Variants in MYLK3 observed in about 807,000 individuals in gnomAD.
MYLK3 encodes the protein MLC kinase.
MYLK3 carries 55 observed loss-of-function variants against 76.3 expected under a neutral mutation model. That is an observed-to-expected ratio of 0.72 (90% CI 0.58 to 0.90). The LOEUF is 0.90. Among genes scored for constraint, MYLK3 ranks in the 40% least tolerant of loss-of-function variants. The pLI is 0.00. For missense variants in MYLK3, 973 were observed against 1,053.6 expected (o/e 0.92, Z 1.06); for synonymous variants, 416 against 425.4 (o/e 0.98, Z 0.27).
At position 46,729,965 on chromosome 16, in the gene MYLK3, CCA is replaced by C. The variant is rs1966849214; in HGVS notation, c.1569-280_1569-279del. ...CACCCGAAGGAACATCCCCTTCACC[CCA>C]CACCACCCAGGCCATCCTGCACCCC... is the stretch of plus-strand genomic sequence containing the variant. On this transcript the variant is annotated intron_variant, in intron 5 of 12. Transcript: ENST00000394809. 4 of 548,992 alleles carry C rather than the reference CCA, an allele frequency of 7.3e-6. No individual in the cohort carries two copies. The African/African-American group carries it at 7.7e-5, about 11-fold the overall frequency. The allele number at this position is 548,992 out of a possible 1,614,324, so 34.0% of individuals were successfully genotyped here.
At chr16:46,737,420 C>T (rs191928998) in intron 3 of MYLK3, among the ~76,000 whole-genome samples, 52 of 152,300 alleles carry the variant, frequency 3.4e-4, no homozygotes, top group African/African-American at 1.1e-3. Flanking sequence ...ATTAGGACCA[C>T]CTGGGAAGCA....
chr16:46,727,133 G>A lies in MYLK3; in HGVS notation c.1914+103C>T, dbSNP rs2143014425. 6 of 1,317,712 alleles carry A rather than the reference G, an allele frequency of 4.6e-6. No homozygotes were observed. The South Asian group carries it at 7.8e-5, about 17-fold the overall frequency. 81.6% of individuals were successfully genotyped at this position (1,317,712 alleles called of 1,614,324 possible). A position where few individuals can be genotyped will look rare whatever the true frequency, so the allele number is the denominator to read the frequency against. ...GAACTACAAAATGACAGAGAGCCAG[G>A]AATGGAAGCTGGGACTGTCTGTGGA... On this transcript the variant is annotated intron_variant, in intron 8 of 12. Coordinates refer to ENST00000394809, the MANE Select transcript of MYLK3 (RefSeq NM_182493.3).
In MYLK3 at chr16:46,747,911, C is replaced by T. The variant is rs1294864043; in HGVS notation, c.283G>A (p.Glu95Lys). 1.5e-5 allele frequency: 25 copies of T among 1,613,754 alleles called. No individual in the cohort carries two copies. Among genetic ancestry groups the T allele is most frequent in the Non-Finnish European group, 2.1e-5 (25 of 1,179,944 alleles). The change falls in exon 1 of 13, where the codon GAG becomes AAG. Residue 95 changes from glutamate to lysine, a missense_variant. By Grantham distance (56) the Glu-to-Lys change is moderately conservative. Around this residue, in one of 2 missense-constraint regions of MYLK3, gnomAD observed 641 missense variants for 637.0 expected, o/e 1.01. Coordinates refer to ENST00000394809, the MANE Select transcript of MYLK3 (RefSeq NM_182493.3). The stretch of plus-strand genomic sequence containing the variant: ...TCCTGCTGCATGGCCCTCACCAGCT[C>T]CAGGACCTCGGGCCACCCAGCCTGG... Reference protein sequence around the residue: ...DTQAGWPEVLELVRAMQQDAA... With the variant: ...DTQAGWPEVLKLVRAMQQDAA...
At chr16:46,746,793 G>A (rs1967032338) in intron 1 of MYLK3, among the ~76,000 whole-genome samples, 1 of 152,162 alleles carries the variant, frequency 6.6e-6, no homozygotes, top group South Asian at 2.1e-4. Context: ...CTCAGAAAAG[G>A]CACGGTGCAG....
upstream of MYLK3, among the ~76,000 whole-genome samples, chr16:46,752,911 G>A (rs778341092): frequency 3.4e-4 from 52 of 152,090 alleles, no homozygotes; most frequent in Non-Finnish European, 6.6e-4. Context: ...TGATATCAAG[G>A]CTCTGACTCA....
intron 8 of MYLK3, among the ~76,000 whole-genome samples, chr16:46,724,640 T>C (rs1184329080): frequency 6.6e-6 from 1 of 152,266 alleles, no homozygotes; most frequent in Admixed American, 6.5e-5. Context: ...CTCTCAAGTG[T>C]ATTAATTTGA....
At chr16:46,709,214 G>A (rs187065567) in intron 12 of MYLK3, among the ~76,000 whole-genome samples, 1 of 152,182 alleles carries the variant, frequency 6.6e-6, no homozygotes, top group East Asian at 1.9e-4. Context: ...TTGAAGCCAG[G>A]AGTTCAAGAC....
intron 9 of MYLK3, 120 bp from the exon 10 acceptor site, chr16:46,712,896 T>C (rs2143012757): frequency 1.0e-6 from 1 of 962,036 alleles, no homozygotes. Flanking sequence ...TGGCCTGGAC[T>C]CCACACCCAC....
rs368904601 is a variant in MYLK3, at chr16:46,763,002, C to G, written c.-114+38G>C. 130 of 979,696 alleles carry G rather than the reference C, an allele frequency of 1.3e-4. No individual in the cohort carries two copies. In the South Asian group the frequency reaches 1.5e-3, roughly 11 times the overall value. The allele number at this position is 979,696 out of a possible 1,614,324, so 60.7% of individuals were successfully genotyped here. A position where few individuals can be genotyped will look rare whatever the true frequency, so the allele number is the denominator to read the frequency against. On this transcript the variant is annotated intron_variant, in intron 1 of 11. Transcript: ENST00000536476. ...TAATACACTGCTGAAAACACCCCCCCACACACACACAGTAGGTTTATCACT... is the reference window on the plus strand; with the variant it reads ...TAATACACTGCTGAAAACACCCCCCGACACACACACAGTAGGTTTATCACT...
chr16:46,709,737 C>T lies in MYLK3; in HGVS notation c.2268-66G>A, dbSNP rs540143734. ...GCCTTTTCTCATCCAAAAATCTGTT[C>T]ACTTGAGTAGGAAGCCTGAGTCAGT... On this transcript the variant is annotated intron_variant, in intron 11 of 12. Transcript: ENST00000394809. 5 of 1,572,722 alleles carry T rather than the reference C, an allele frequency of 3.2e-6. No individual in the cohort carries two copies. The African/African-American group carries it at 6.8e-5, about 21-fold the overall frequency.
At chr16:46,732,065 TA>T (rs2143015037) in intron 4 of MYLK3, 142 bp downstream of exon 4, 1 of 706,064 alleles carries the variant, frequency 1.4e-6, no homozygotes, top group South Asian at 2.0e-5. Context: ...CCCCAGGATG[TA>T]CCTGGAGATG....
Position 46,710,779 on chromosome 16 carries a change from A to C in MYLK3, c.2125T>G (p.Leu709Val), listed in dbSNP as rs770660592. The C allele has an allele frequency of 6.2e-7, 1 of 1,614,134 alleles. No individual in the cohort carries two copies. Among genetic ancestry groups the C allele is most frequent in the South Asian group, 1.1e-5 (1 of 91,078 alleles). ...TCTGTTTCCCCTAGAAATGGGGACA[A>C]GCCACTGAGTCTATAGAAGAGAGAA... Reference protein sequence around the residue: ...GVITYMLLSGLSPFLGETDAE... With the variant: ...GVITYMLLSGVSPFLGETDAE... Residue 709 changes from leucine to valine, a missense_variant, in exon 11 of 13, where the codon TTG becomes GTG. Transcript: ENST00000394809.
In MYLK3 at chr16:46,709,623, A is replaced by G. The variant is rs1254057937; in HGVS notation, c.2316T>C (p.Asn772=). The change falls in exon 12 of 13, where the codon AAT becomes AAC. Residue 772 remains asparagine (N), a synonymous_variant. Coordinates refer to ENST00000394809, the MANE Select transcript of MYLK3 (RefSeq NM_182493.3). Reference sequence around the variant, plus strand: ...TGGATCTTGAAGCTTTGGCAGGCAAATTATTCAGCCACTCGTGTTTCAGGC... The same window carrying G: ...TGGATCTTGAAGCTTTGGCAGGCAAGTTATTCAGCCACTCGTGTTTCAGGC... ...TQCLKHEWLN[N]LPAKASRSKT... is the part of the protein sequence containing the mutation. 6.2e-7 allele frequency: 1 copy of G among 1,614,144 alleles called. No individual in the cohort carries two copies. The highest frequency in any genetic ancestry group is 1.3e-5 in the African/African-American group (1 of 75,038).
intron 1 of MYLK3, among the ~76,000 whole-genome samples, chr16:46,740,848 G>C (rs1003672044): frequency 2.0e-5 from 3 of 152,094 alleles, no homozygotes; most frequent in Non-Finnish European, 4.4e-5. Flanking sequence ...TACCACGCCC[G>C]GCCAGAGATG....
intron 9 of MYLK3, among the ~76,000 whole-genome samples, chr16:46,717,085 C>T (rs1294431826): frequency 6.6e-6 from 1 of 152,158 alleles, no homozygotes; most frequent in African/African-American, 2.4e-5. Context: ...CTTGGGAACC[C>T]CAACATGAAG....
Position 46,738,037 on chromosome 16 carries a change from C to G in MYLK3, c.675G>C (p.Gln225His), listed in dbSNP as rs752827965. The part of the protein sequence containing the change: ...DPAQAVVSPG[Q>H]GDGVPGPAQA... Reference sequence around the variant, plus strand: ...GGGCTGGGCCAGGAACACCATCTCCCTGGCCCGGTGAGACCACTGCCTGGG... The same window carrying G: ...GGGCTGGGCCAGGAACACCATCTCCGTGGCCCGGTGAGACCACTGCCTGGG... The change falls in exon 3 of 13, where the codon CAG becomes CAC. Residue 225 changes from glutamine (Q) to histidine (H), a missense_variant. This residue lies in a region of MYLK3 where 641 missense variants were observed against 637.0 expected (regional missense o/e 1.01). Transcript: ENST00000394809. The G allele has an allele frequency of 1.9e-6, 3 of 1,611,806 alleles. No individual in the cohort carries two copies. The highest frequency in any genetic ancestry group is 2.5e-6 in the Non-Finnish European group (3 of 1,179,758).
chr16:46,747,752 AG>A lies in MYLK3; in HGVS notation c.441del (p.Trp148GlyfsTer28). On this transcript the variant is annotated frameshift_variant, in exon 1 of 13. Coordinates refer to ENST00000394809, the MANE Select transcript of MYLK3 (RefSeq NM_182493.3). LOFTEE classifies it high-confidence loss of function. The part of the protein sequence containing the change: ...VADFLMQGRV[P>X]WRRGSPGDSP... ...CTGTCACCTGGGCTGCCTCTCCTCCAGGGCACACGCCCCTGCATGAGGAAAT... is the reference window on the plus strand; with the variant it reads ...CTGTCACCTGGGCTGCCTCTCCTCCAGGCACACGCCCCTGCATGAGGAAAT... 1 of 1,614,100 alleles carries A rather than the reference AG, an allele frequency of 6.2e-7. No individual in the cohort carries two copies. Among genetic ancestry groups the A allele is most frequent in the Non-Finnish European group, 8.5e-7 (1 of 1,180,016 alleles).
intron 3 of MYLK3, among the ~76,000 whole-genome samples, chr16:46,736,114 C>T (rs1966867505): frequency 6.6e-6 from 1 of 152,102 alleles, no homozygotes; most frequent in South Asian, 2.1e-4. Flanking sequence ...CTCAAGTGAT[C>T]CTCCCACCTC....
At position 46,710,632 on chromosome 16, in the gene MYLK3, G is replaced by A; in HGVS notation, c.2267+5C>T. The A allele has an allele frequency of 6.2e-7, 1 of 1,614,086 alleles. No homozygotes were observed. The highest frequency in any genetic ancestry group is 8.5e-7 in the Non-Finnish European group (1 of 1,180,018). ...GGCCCATGAGTGACAAGCAATGAAA[G>A]GTACCTCTTCTCTTTGACCAGCAAC... On this transcript the variant is annotated splice_donor_5th_base_variant and intron_variant, in intron 11 of 12. Coordinates refer to ENST00000394809, the MANE Select transcript of MYLK3 (RefSeq NM_182493.3).
Sources: gnomAD v4.1 joint callset for allele counts (sites outside exome capture counted in the v4.1 genomes callset) on GRCh38, gnomAD v4.1.1 for gene constraint, gnomAD v4.1.1 regional missense constraint, MANE v1.5 for transcripts, NCBI Gene and HGNC (gene_info 2026-07-23, HGNC 2026-07-21) for gene names.